Variants in HAPSTR1 observed in about 807,000 individuals in gnomAD.
HAPSTR1 encodes the protein HUWE1-associated protein modifying stress responses 1.
At chr16:9,113,310 A>G in the HAPSTR1 span, 2 of 152,172 alleles carry the variant, frequency 1.3e-5, no homozygotes, top group African/African-American at 4.8e-5. Flanking sequence ...ATTGCACATT[A>G]AAGTTATCAA....
chr16:9,094,911 T>C, the HAPSTR1 span, among the ~76,000 whole-genome samples: 1 of 152,240 alleles, frequency 6.6e-6, no homozygotes, highest in African/African-American at 2.4e-5. Context: ...CCTAGCAGTT[T>C]TCGTTAGTGC....
At chr16:9,117,210 T>G in the HAPSTR1 span, 2 of 298,524 alleles carry the variant, frequency 6.7e-6, no homozygotes, top group African/African-American at 4.3e-5. Context: ...TTAACTGTAT[T>G]TATTCTCAAA....
At chr16:9,111,691 C>T in the HAPSTR1 span, 1 of 152,048 alleles carries the variant, frequency 6.6e-6, no homozygotes, top group Non-Finnish European at 1.5e-5. Flanking sequence ...CTTGTTTAAG[C>T]AGTTTTGATA....
chr16:9,107,467 C>G, the HAPSTR1 span: 1 of 152,268 alleles, frequency 6.6e-6, no homozygotes, highest in South Asian at 2.1e-4. Context: ...GGCTCTTGGC[C>G]TAATGTTTCA....
the HAPSTR1 span, among the ~76,000 whole-genome samples, chr16:9,099,013 T>C: frequency 2.6e-5 from 4 of 152,144 alleles, no homozygotes; most frequent in African/African-American, 7.2e-5. Flanking sequence ...AAGAAAGTTA[T>C]GATTTGGTCT....
At chr16:9,096,883 C>T in the HAPSTR1 span, among the ~76,000 whole-genome samples, 2 of 151,986 alleles carry the variant, frequency 1.3e-5, no homozygotes, top group African/African-American at 2.4e-5. Flanking sequence ...AAGCAGTAGC[C>T]TCAGTTATAC....
chr16:9,106,762 A>G, the HAPSTR1 span: 1 of 152,126 alleles, frequency 6.6e-6, no homozygotes, highest in Admixed American at 6.6e-5. Flanking sequence ...TGCATGTGCT[A>G]AATTGATTTC....
the HAPSTR1 span, among the ~76,000 whole-genome samples, chr16:9,097,669 G>A: frequency 1.4e-4 from 21 of 152,356 alleles, no homozygotes; most frequent in East Asian, 4.1e-3. Flanking sequence ...ACTTAATTGA[G>A]CAGCCCAGGC....
chr16:9,120,705 T>C, the HAPSTR1 span: 1 of 136,298 alleles, frequency 7.3e-6, no homozygotes, highest in African/African-American at 2.9e-5. Context: ...TGTGATGGAG[T>C]TTCACTCTCT....
At chr16:9,111,823 ATGTT>A in the HAPSTR1 span, 3 of 152,210 alleles carry the variant, frequency 2.0e-5, no homozygotes, top group Non-Finnish European at 2.9e-5. Context: ...CTTCAGTTCA[ATGTT>A]TGGTGCATTT....
the HAPSTR1 span, among the ~76,000 whole-genome samples, chr16:9,102,718 A>C: frequency 3.9e-5 from 6 of 152,164 alleles, no homozygotes; most frequent in Non-Finnish European, 5.9e-5. Flanking sequence ...AAAGATACCT[A>C]ATCTCTCTGT....
chr16:9,096,964 C>T, the HAPSTR1 span, among the ~76,000 whole-genome samples: 8 of 151,880 alleles, frequency 5.3e-5, no homozygotes, highest in East Asian at 1.9e-4. Context: ...TTTTTGGAGA[C>T]GAAGTCTCGC....
the HAPSTR1 span, chr16:9,104,052 GA>G: frequency 5.3e-5 from 8 of 151,852 alleles, no homozygotes; most frequent in Admixed American, 5.2e-4. Context: ...AACCATGATG[GA>G]AAGATGGATC....
At chr16:9,107,601 A>C in the HAPSTR1 span, 1 of 152,238 alleles carries the variant, frequency 6.6e-6, no homozygotes, top group Non-Finnish European at 1.5e-5. Flanking sequence ...GTGAAGTCCA[A>C]ATTCAGCATG....
chr16:9,107,269 C>T, the HAPSTR1 span: 1 of 152,366 alleles, frequency 6.6e-6, no homozygotes, highest in South Asian at 2.1e-4. Flanking sequence ...AGATTCGGTG[C>T]TGTCTCTGGA....
the HAPSTR1 span, chr16:9,092,193 C>G: frequency 2.9e-5 from 46 of 1,583,640 alleles, no homozygotes; most frequent in Non-Finnish European, 3.7e-5. Flanking sequence ...GCGGCCGCCG[C>G]GCAGCCCGAG....
At chr16:9,103,325 A>G in the HAPSTR1 span, 1 of 1,531,130 alleles carries the variant, frequency 6.5e-7, no homozygotes, top group East Asian at 2.3e-5. Flanking sequence ...CCCATTTTTC[A>G]CGGTTAGGTT....
the HAPSTR1 span, chr16:9,106,966 C>T: frequency 6.6e-6 from 1 of 152,214 alleles, no homozygotes; most frequent in South Asian, 2.1e-4. Context: ...TTTTCTAGAG[C>T]TTCTCCTTAC....
the HAPSTR1 span, among the ~76,000 whole-genome samples, chr16:9,098,321 G>A: frequency 2.6e-5 from 4 of 152,142 alleles, no homozygotes; most frequent in Non-Finnish European, 5.9e-5. Flanking sequence ...CAGCAAGAGC[G>A]AAAATCCATC....
Sources: gnomAD v4.1 joint callset for allele counts (sites outside exome capture counted in the v4.1 genomes callset) on GRCh38, gnomAD v4.1.1 for gene constraint, MANE v1.5 for transcripts, NCBI Gene and HGNC (gene_info 2026-07-23, HGNC 2026-07-21) for gene names.